The following TP63 variants were observed in gnomAD, a reference collection of about 807,000 sequenced individuals.
The protein encoded by TP63 is tumor protein p63, also known as tumor protein 63.
In TP63, 17 loss-of-function variants were observed where a neutral mutation model predicts 82.8. The observed-to-expected ratio is 0.21, with a 90% CI of 0.14 to 0.31. The LOEUF is 0.31. Among genes scored for constraint, TP63 ranks in the 10% least tolerant of loss-of-function variants. TP63 has a pLI of 1.00. For missense variants in TP63, 648 were observed against 895.3 expected (o/e 0.72, Z 3.52); for synonymous variants, 330 against 321.7 (o/e 1.03, Z -0.28).
intron 4 of TP63, among the ~76,000 whole-genome samples, chr3:189,843,311 G>A (rs972102355): frequency 6.6e-6 from 1 of 152,202 alleles, no homozygotes; most frequent in Admixed American, 6.5e-5. Context: ...GGTCCTCACG[G>A]TAAGTGAGTA....
At chr3:189,706,636 C>T (rs1718222939) in intron 1 of TP63, among the ~76,000 whole-genome samples, 1 of 152,146 alleles carries the variant, frequency 6.6e-6, no homozygotes, top group Admixed American at 6.6e-5. Context: ...TTGTGACATC[C>T]AGCAATACAT....
chr3:189,858,270 T>TTG lies in TP63; in HGVS notation c.580-5962_580-5961insTG, dbSNP rs1301873520. Among the ~76,000 whole-genome samples the TTG allele has an allele frequency of 3.2e-4, 19 of 59,614 alleles. 5 individuals are homozygous for TTG. The highest frequency in any genetic ancestry group is 8.1e-4 in the African/African-American group (9 of 11,136). The allele number at this position is 59,614 out of a possible 152,430, so 39.1% of individuals were successfully genotyped here. A position where few individuals can be genotyped will look rare whatever the true frequency, so the allele number is the denominator to read the frequency against. On this transcript the variant is annotated intron_variant, in intron 4 of 13. Coordinates refer to ENST00000264731, the MANE Select transcript of TP63 (RefSeq NM_003722.5). ...AATACAAAAAATTAGCCGGGCGAGG[T>TTG]GGCGGGCGCCTGTAGTCCCAGCTAC...
At chr3:189,761,802 C>T (rs1722595781) in intron 3 of TP63, among the ~76,000 whole-genome samples, 1 of 152,194 alleles carries the variant, frequency 6.6e-6, no homozygotes, top group Non-Finnish European at 1.5e-5. Flanking sequence ...ACTTACAGTT[C>T]CACATGGCTG....
intron 3 of TP63, among the ~76,000 whole-genome samples, chr3:189,780,194 G>A (rs1214356384): frequency 6.6e-6 from 1 of 152,166 alleles, no homozygotes; most frequent in Non-Finnish European, 1.5e-5. Flanking sequence ...TTGCCTGTTG[G>A]AGATAACAGA....
chr3:189,729,626 T>C (rs772047940), intron 1 of TP63, among the ~76,000 whole-genome samples: 2 of 152,214 alleles, frequency 1.3e-5, no homozygotes, highest in Admixed American at 6.5e-5. Context: ...ATTTTATTTT[T>C]TGAAGTTGTG....
chr3:189,829,882 A>G (rs1712038703), intron 4 of TP63: 2 of 388,272 alleles, frequency 5.2e-6, no homozygotes, highest in African/African-American at 2.3e-5. Flanking sequence ...ATTTTTTTCA[A>G]CCAAGATAAA....
chr3:189,758,902 T>C (rs370220190), intron 3 of TP63, among the ~76,000 whole-genome samples: 1 of 152,152 alleles, frequency 6.6e-6, no homozygotes, highest in Non-Finnish European at 1.5e-5. Context: ...AGACTTCTTA[T>C]GAAAGCCAAC....
chr3:189,887,807 G>C (rs575502948), intron 11 of TP63, among the ~76,000 whole-genome samples: 1 of 151,284 alleles, frequency 6.6e-6, no homozygotes, highest in African/African-American at 2.4e-5. Context: ...ATCAGGGGAG[G>C]CTAGGATTAT....
chr3:189,748,536 C>T (rs370582782), intron 3 of TP63, among the ~76,000 whole-genome samples: 2 of 109,462 alleles, frequency 1.8e-5, no homozygotes, highest in Non-Finnish European at 3.9e-5. Context: ...AAAAAAAAGG[C>T]GGGGGACAGA....
chr3:189,743,503 AACACACACACAC>A (rs10524434), intron 3 of TP63, among the ~76,000 whole-genome samples: 3 of 150,764 alleles, frequency 2.0e-5, no homozygotes, highest in African/African-American at 4.9e-5. Context: ...TACAAACACA[AACACACACACAC>A]ACACACAAAC....
intron 1 of TP63, among the ~76,000 whole-genome samples, chr3:189,732,935 C>G (rs972763055): frequency 6.6e-6 from 1 of 152,128 alleles, no homozygotes; most frequent in South Asian, 2.1e-4. Flanking sequence ...AAAAATTATA[C>G]TTAAATTAGG....
chr3:189,872,688 G>A (rs1234255954), intron 9 of TP63, among the ~76,000 whole-genome samples, 171 bp from the exon 10 acceptor site: 1 of 152,120 alleles, frequency 6.6e-6, no homozygotes, highest in South Asian at 2.1e-4. Flanking sequence ...CACTCTGCCC[G>A]GGTCTGAAAG....
chr3:189,683,436 GATA>G (rs1482852037), intron 1 of TP63, among the ~76,000 whole-genome samples: 2 of 152,112 alleles, frequency 1.3e-5, no homozygotes, highest in Non-Finnish European at 1.5e-5. Flanking sequence ...ATAATGTTTT[GATA>G]ATAATTTATA....
upstream of TP63, among the ~76,000 whole-genome samples, chr3:189,628,631 A>G (rs944738674): frequency 1.3e-5 from 2 of 152,130 alleles, no homozygotes; most frequent in Admixed American, 1.3e-4. Flanking sequence ...CTAGACTTCT[A>G]TGTACGTTAT....
At chr3:189,602,981 T>C in the TP63 span, among the ~76,000 whole-genome samples, 1 of 152,220 alleles carries the variant, frequency 6.6e-6, no homozygotes, top group African/African-American at 2.4e-5. Flanking sequence ...TATAAATTCA[T>C]TTATAAACTT....
intron 13 of TP63, 113 bp downstream of exon 13, chr3:189,890,995 C>G (rs1183069883): frequency 2.1e-6 from 2 of 931,398 alleles, no homozygotes; most frequent in Non-Finnish European, 3.3e-6. Context: ...TGTCATGCCC[C>G]CAATTATCCA....
Position 189,894,292 on chromosome 3 carries a change from C to T in TP63, c.1833C>T (p.Ser611=), listed in dbSNP as rs2108873495. The T allele has an allele frequency of 6.2e-7, 1 of 1,614,132 alleles. No individual in the cohort carries two copies. The highest frequency in any genetic ancestry group is 8.5e-7 in the Non-Finnish European group (1 of 1,180,020). ...ACCACCGGCAGCTCCACGAATTCTC[C>T]TCCCCTTCTCATCTCCTGCGGACCC... The part of the protein sequence containing the change: ...ILDHRQLHEF[S]SPSHLLRTPS... Residue 611 remains serine, a synonymous_variant, in exon 14 of 14, where the codon TCC becomes TCT. Coordinates refer to ENST00000264731, the MANE Select transcript of TP63 (RefSeq NM_003722.5).
intron 11 of TP63, among the ~76,000 whole-genome samples, chr3:189,888,039 G>A (rs1394751963): frequency 2.0e-5 from 3 of 151,676 alleles, no homozygotes; most frequent in African/African-American, 2.4e-5. Context: ...TGTATTTTTA[G>A]TAGAGGTGGG....
rs528657818 is a variant in TP63, at chr3:189,777,809, G to A, written c.325-30463G>A. 2.2e-3 allele frequency among the ~76,000 whole-genome samples: 263 copies of A among 122,168 alleles called. 3 individuals are homozygous for A. The highest frequency in any genetic ancestry group is 7.8e-3 in the African/African-American group (249 of 32,068). The allele number at this position is 122,168 out of a possible 152,430, so 80.1% of individuals were successfully genotyped here. A position where few individuals can be genotyped will look rare whatever the true frequency, so the allele number is the denominator to read the frequency against. On this transcript the variant is annotated intron_variant, in intron 3 of 13. Coordinates refer to ENST00000264731, the MANE Select transcript of TP63 (RefSeq NM_003722.5). Reference sequence around the variant, plus strand: ...TCCTATACTAGATGAGGAAGTCTTTGGACAGATGCTGAGTCTTCTTCTTCT... The same window carrying A: ...TCCTATACTAGATGAGGAAGTCTTTAGACAGATGCTGAGTCTTCTTCTTCT...
Sources: gnomAD v4.1 joint callset for allele counts (sites outside exome capture counted in the v4.1 genomes callset) on GRCh38, gnomAD v4.1.1 for gene constraint, MANE v1.5 for transcripts, NCBI Gene and HGNC (gene_info 2026-07-23, HGNC 2026-07-21) for gene names.